NAALADL2: variants seen among roughly 807,000 people sequenced by gnomAD.
NAALADL2 encodes the protein inactive N-acetylated-alpha-linked acidic dipeptidase-like protein 2.
A neutral mutation model predicts 87.2 loss-of-function variants in NAALADL2; 76 were observed. The observed-to-expected ratio is 0.87, with a 90% confidence interval of 0.72 to 1.05. NAALADL2 has a LOEUF of 1.05. NAALADL2 is among the 50% of genes least tolerant of loss of function. The probability of loss-of-function intolerance (pLI) is 0.00; values close to 1 mark genes in which losing one functional copy is unlikely to be tolerated. For synonymous variants in NAALADL2, 354 were observed against 331.0 expected, an observed-to-expected ratio of 1.07 and a Z score of -0.75; for missense variants, 1,089 against 945.8, an observed-to-expected ratio of 1.15 and a Z score of -1.99.
Position 175,361,060 on chromosome 3 carries a change from A to T in NAALADL2, c.1090+36735A>T, listed in dbSNP as rs1026824211. ...CAGGCCCCAGTGTGTGATGTTCCCC[A>T]TCCTGTGTCCAAGTGTTCTCATTGT... On this transcript the variant is annotated intron_variant, in intron 5 of 13. Coordinates refer to ENST00000454872, the MANE Select transcript of NAALADL2 (RefSeq NM_207015.3). Among the ~76,000 whole-genome samples, 28 of 142,530 alleles carry T rather than the reference A, an allele frequency of 2.0e-4. 1 individual carries two copies. The highest frequency in any genetic ancestry group is 7.1e-4 in the African/African-American group (27 of 37,960). The allele number at this position is 142,530 out of a possible 152,430, so 93.5% of individuals were successfully genotyped here. A position where few individuals can be genotyped will look rare whatever the true frequency, so the allele number is the denominator to read the frequency against.
chr3:174,806,687 A>G (rs1394411124), intron 3 of NAALADL2, among the ~76,000 whole-genome samples: 1 of 152,216 alleles, frequency 6.6e-6, no homozygotes, highest in Non-Finnish European at 1.5e-5. Flanking sequence ...TCTGAATCCA[A>G]AGCTCTGTTC....
chr3:175,371,428 C>G lies in NAALADL2; in HGVS notation c.1090+47103C>G, dbSNP rs1228207849. ...GATTACAGGCGCCCGCCACCGCGCC[C>G]GGCTAATTTTTTGGATTTTTAGTAG... On this transcript the variant is annotated intron_variant, in intron 5 of 13. Transcript: ENST00000454872. Among the ~76,000 whole-genome samples the G allele has an allele frequency of 2.0e-5, 3 of 152,118 alleles. No individual in the cohort carries two copies. The East Asian group carries it at 5.9e-4, about 30-fold the overall frequency.
intron 2 of NAALADL2, among the ~76,000 whole-genome samples, chr3:174,585,397 T>C (rs752945847): frequency 2.0e-5 from 3 of 152,060 alleles, no homozygotes; most frequent in African/African-American, 4.8e-5. Context: ...AGAAAAAAAA[T>C]AGTTATCAGT....
chr3:174,833,305 C>G (rs1027596042), intron 3 of NAALADL2, among the ~76,000 whole-genome samples: 4 of 152,100 alleles, frequency 2.6e-5, no homozygotes, highest in African/African-American at 9.7e-5. Flanking sequence ...TTGAACATCT[C>G]AGATGAAGTG....
At chr3:175,071,785 T>TA (rs35738109) in intron 1 of NAALADL2, among the ~76,000 whole-genome samples, 16,924 of 151,768 alleles carry the variant, frequency 0.11, 1,075 homozygotes, top group East Asian at 0.21. Context: ...CAAAGGATAT[T>TA]AAAAAAATTG....
At chr3:174,667,387 T>C (rs1726059644) in intron 2 of NAALADL2, among the ~76,000 whole-genome samples, 1 of 152,006 alleles carries the variant, frequency 6.6e-6, no homozygotes, top group African/African-American at 2.4e-5. Flanking sequence ...AAGTGGGCAC[T>C]TTTAAAGGGG....
intron 5 of NAALADL2, among the ~76,000 whole-genome samples, chr3:175,437,531 T>A (rs1718908208): frequency 7.0e-6 from 1 of 143,298 alleles, no homozygotes; most frequent in Admixed American, 7.2e-5. Context: ...CTGCCCAAGG[T>A]AATTTACAGA....
chr3:175,699,226 A>G (rs1186376376), intron 11 of NAALADL2, among the ~76,000 whole-genome samples: 1 of 151,998 alleles, frequency 6.6e-6, no homozygotes, highest in African/African-American at 2.4e-5. Flanking sequence ...GGAAAAATAG[A>G]AGATCCACAA....
At chr3:175,028,241 C>T (rs535011848) in intron 1 of NAALADL2, among the ~76,000 whole-genome samples, 1 of 152,094 alleles carries the variant, frequency 6.6e-6, no homozygotes, top group Non-Finnish European at 1.5e-5. Flanking sequence ...GAGTAAGTTG[C>T]TCTGAAACAT....
chr3:175,666,268 A>G (rs965473129), intron 11 of NAALADL2, among the ~76,000 whole-genome samples: 1 of 152,114 alleles, frequency 6.6e-6, no homozygotes, highest in Non-Finnish European at 1.5e-5. Context: ...GATTTTATAG[A>G]GAAGAAAATG....
chr3:174,962,138 T>C (rs567355310), intron 1 of NAALADL2, among the ~76,000 whole-genome samples: 1 of 151,796 alleles, frequency 6.6e-6, no homozygotes, highest in East Asian at 2.0e-4. Flanking sequence ...AGCCATTTAG[T>C]GAGATCTCTC....
intron 2 of NAALADL2, among the ~76,000 whole-genome samples, chr3:174,621,748 G>A (rs59968250): frequency 0.15 from 23,064 of 152,022 alleles, 1,970 homozygotes; most frequent in African/African-American, 0.21. Flanking sequence ...GACAATCCAG[G>A]CAAAATACTA....
chr3:175,735,936 C>T (rs746780144), intron 11 of NAALADL2, among the ~76,000 whole-genome samples: 17 of 152,142 alleles, frequency 1.1e-4, no homozygotes, highest in Non-Finnish European at 2.1e-4. Context: ...TGTAGTTTCA[C>T]AAGACAATGT....
At chr3:174,612,840 A>G (rs1461255323) in intron 2 of NAALADL2, among the ~76,000 whole-genome samples, 1 of 152,114 alleles carries the variant, frequency 6.6e-6, no homozygotes, top group African/African-American at 2.4e-5. Flanking sequence ...CTGGATGATC[A>G]TGATACTTTT....
chr3:175,131,167 TTTTA>T (rs1727785342), intron 2 of NAALADL2, among the ~76,000 whole-genome samples: 1 of 144,530 alleles, frequency 6.9e-6, no homozygotes, highest in Non-Finnish European at 1.5e-5. Flanking sequence ...TTTTTTTTTT[TTTTA>T]ATTGTTCATT....
intron 13 of NAALADL2, among the ~76,000 whole-genome samples, chr3:175,759,352 CTTTTTTT>C (rs768277021): frequency 1.4e-5 from 2 of 139,914 alleles, no homozygotes; most frequent in Admixed American, 7.3e-5. Flanking sequence ...TCAAGAAAGA[CTTTTTTT>C]TTTTTTTTTT....
In NAALADL2 at chr3:175,685,449, G is replaced by GGTGTGTGTGT. The variant is rs59449046; in HGVS notation, c.1897-51826_1897-51817dup. ...TCTCAGAGAAATAGAACCAACAGGA[G>GGTGTGTGTGT]GTGTGTGTGTGTGTGTGTGTGTGTG... On this transcript the variant is annotated intron_variant, in intron 11 of 13. Coordinates refer to ENST00000454872, the MANE Select transcript of NAALADL2 (RefSeq NM_207015.3). Among the ~76,000 whole-genome samples, 1,028 of 144,662 alleles carry GGTGTGTGTGT rather than the reference G, an allele frequency of 7.1e-3. 4 individuals are homozygous for GGTGTGTGTGT. Among genetic ancestry groups the GGTGTGTGTGT allele is most frequent in the Middle Eastern group, 0.014 (4 of 286 alleles). 94.9% of individuals were successfully genotyped at this position (144,662 alleles called of 152,430 possible).
intron 1 of NAALADL2, among the ~76,000 whole-genome samples, chr3:175,034,679 C>T (rs1050937451): frequency 9.2e-5 from 14 of 152,030 alleles, no homozygotes; most frequent in African/African-American, 3.4e-4. Context: ...TCCAAACTGC[C>T]GAGAATTCAG....
intron 5 of NAALADL2, among the ~76,000 whole-genome samples, chr3:175,421,534 T>A (rs1459903419): frequency 6.6e-6 from 1 of 152,098 alleles, no homozygotes; most frequent in East Asian, 1.9e-4. Flanking sequence ...CCTGAATTAA[T>A]CCTTGGATTC....
Sources: gnomAD v4.1 joint callset for allele counts (sites outside exome capture counted in the v4.1 genomes callset) on GRCh38, gnomAD v4.1.1 for gene constraint, MANE v1.5 for transcripts, NCBI Gene and HGNC (gene_info 2026-07-23, HGNC 2026-07-21) for gene names.